Variants in HSPG2 observed in about 807,000 individuals in gnomAD.
HSPG2 encodes heparan sulfate proteoglycan 2.
Under a neutral mutation model 526.6 loss-of-function variants are expected in HSPG2, and 278 were observed. The ratio of observed to expected loss-of-function variants is 0.53; its 90% confidence interval spans 0.48 to 0.58. HSPG2 has a LOEUF of 0.58. HSPG2 is among the 20% of genes least tolerant of loss of function. The probability of loss-of-function intolerance (pLI) is 0.00; values close to 1 mark genes in which losing one functional copy is unlikely to be tolerated. For synonymous variants in HSPG2, 2,465 were observed against 2,555.4 expected (o/e 0.96, Z 1.07); for missense variants, 5,354 against 6,099.5 (o/e 0.88, Z 4.07).
intron 1 of HSPG2, among the ~76,000 whole-genome samples, chr1:21,927,063 G>A (rs1453304677): frequency 6.6e-6 from 1 of 152,158 alleles, no homozygotes; most frequent in South Asian, 2.1e-4. Flanking sequence ...GGGACCCGGA[G>A]GTGGGCTGGG....
intron 29 of HSPG2, among the ~76,000 whole-genome samples, 181 bp downstream of exon 29, chr1:21,873,744 G>A (rs1415947159): frequency 7.2e-5 from 11 of 152,168 alleles, no homozygotes; most frequent in Admixed American, 7.2e-4. Flanking sequence ...TGAGGGTCTT[G>A]AATTCTGGGC....
chr1:21,861,947 C>G (rs1639823515), intron 38 of HSPG2, 41 bp downstream of exon 38: 1 of 1,613,946 alleles, frequency 6.2e-7, no homozygotes, highest in African/African-American at 1.3e-5. Flanking sequence ...ACTCATTCCC[C>G]AGTGGAAGTG....
At chr1:21,908,225 A>C in intron 1 of HSPG2, 1 of 940,370 alleles carries the variant, frequency 1.1e-6, no homozygotes, top group Non-Finnish European at 1.7e-6. Flanking sequence ...GTAGACATCA[A>C]GGGAATGGGT....
In HSPG2 at chr1:21,833,890, C is replaced by T. The variant is rs1483098351; in HGVS notation, c.10756G>A (p.Val3586Met). The change falls in exon 78 of 97, where the codon GTG becomes ATG. Residue 3586 changes from valine (V) to methionine (M), a missense_variant. Transcript: ENST00000374695. ...PQISMPQEVR[V>M]PAGSAAVFPC... ...AAGACAGCTGCAGAACCAGCAGGCA[C>T]ACGGACTTCTTGGGGCATTGAGATC... The T allele has an allele frequency of 3.8e-6, 6 of 1,599,354 alleles. No individual in the cohort carries two copies. Among genetic ancestry groups the T allele is most frequent in the East Asian group, 4.5e-5 (2 of 44,250 alleles).
At position 21,891,100 on chromosome 1, in the gene HSPG2, G is replaced by C. The variant is rs527381073; in HGVS notation, c.245-406C>G. ...AGTTCCTACTCATTCCTCAGGACTTGGCTCAGCCATTGTCTCCTGATCTTC... is the reference window on the plus strand; with the variant it reads ...AGTTCCTACTCATTCCTCAGGACTTCGCTCAGCCATTGTCTCCTGATCTTC... On this transcript the variant is annotated intron_variant, in intron 3 of 96. Transcript: ENST00000374695. 3.3e-5 allele frequency among the ~76,000 whole-genome samples: 5 copies of C among 152,326 alleles called. No homozygotes were observed. The South Asian group carries it at 1.0e-3, about 32-fold the overall frequency.
Position 21,881,415 on chromosome 1 carries a change from T to C in HSPG2, c.1742A>G (p.Gln581Arg), listed in dbSNP as rs1211655466. The C allele has an allele frequency of 6.2e-7, 1 of 1,614,054 alleles. No individual in the cohort carries two copies. The highest frequency in any genetic ancestry group is 2.2e-5 in the East Asian group (1 of 44,882). ...GAAGCGGCGGGACAGGTCGACTAGC[T>C]GGAACTCGTGCAGGGATGGGTCGAT... ...LQIDPSLHEF[Q>R]LVDLSRRFLV... is the part of the protein sequence containing the mutation. The change falls in exon 14 of 97, where the codon CAG becomes CGG. Residue 581 changes from glutamine to arginine, a missense_variant. Coordinates refer to ENST00000374695, the MANE Select transcript of HSPG2 (RefSeq NM_005529.7).
At chr1:21,900,807 C>A (rs1345679635) in intron 1 of HSPG2, among the ~76,000 whole-genome samples, 1 of 152,090 alleles carries the variant, frequency 6.6e-6, no homozygotes, top group East Asian at 1.9e-4. Context: ...ATTGCTTGAA[C>A]CCAGGAGGCG....
chr1:21,842,878 T>C lies in HSPG2; in HGVS notation c.8802A>G (p.Ser2934=). 6.2e-7 allele frequency: 1 copy of C among 1,613,958 alleles called. No individual in the cohort carries two copies. Among genetic ancestry groups the C allele is most frequent in the Non-Finnish European group, 8.5e-7 (1 of 1,179,994 alleles). The change falls in exon 67 of 97, where the codon TCA becomes TCG. Residue 2934 remains serine (S), a synonymous_variant. Coordinates refer to ENST00000374695, the MANE Select transcript of HSPG2 (RefSeq NM_005529.7). ...AQPIYIEASS[S]HVTEGQTLDL... The stretch of plus-strand genomic sequence containing the variant: ...CCAGAGTCTGCCCTTCAGTCACGTG[T>C]GAAGAGGAGGCCTCGATGTAGATGG...
chr1:21,825,116 A>C, intron 91 of HSPG2: 1 of 377,472 alleles, frequency 2.6e-6, no homozygotes, highest in African/African-American at 2.1e-5. Context: ...TCAAAATATC[A>C]TTTACACATA....
At chr1:21,826,673 C>G (rs1422329522) in intron 91 of HSPG2, among the ~76,000 whole-genome samples, 1 of 152,004 alleles carries the variant, frequency 6.6e-6, no homozygotes, top group Admixed American at 6.6e-5. Context: ...CCACGCCCAG[C>G]TAATTTTGTA....
chr1:21,839,883 A>G lies in HSPG2; in HGVS notation c.9648T>C (p.Ala3216=). 6.2e-7 allele frequency: 1 copy of G among 1,614,070 alleles called. No homozygotes were observed. Among genetic ancestry groups the G allele is most frequent in the Non-Finnish European group, 8.5e-7 (1 of 1,180,016 alleles). ...CCTCCACAGTCAGCTCAGCTTCTTC[A>G]GCTTGGACCTGAGGGGCCCCTGGGG... ...AMAPGAPQVQ[A]EEAELTVEAG... The change falls in exon 72 of 97, where the codon GCT becomes GCC. Residue 3216 remains alanine, a synonymous_variant. Transcript: ENST00000374695. This position sits in a 1 kb window ranked among gnomAD's most constrained non-coding sequence, Gnocchi z 4.5.
chr1:21,926,820 T>C lies in HSPG2; in HGVS notation c.63+10335A>G, dbSNP rs373462908. 2.6e-4 allele frequency among the ~76,000 whole-genome samples: 36 copies of C among 140,892 alleles called. No homozygotes were observed. The East Asian group carries it at 6.3e-3, about 25-fold the overall frequency. 92.4% of individuals were successfully genotyped at this position (140,892 alleles called of 152,430 possible). Reference sequence around the variant, plus strand: ...AAGAAAATGATAGAGTAGAGGCCACTAGGGCTGGGATTTATCAGGCCAGAA... The same window carrying C: ...AAGAAAATGATAGAGTAGAGGCCACCAGGGCTGGGATTTATCAGGCCAGAA... On this transcript the variant is annotated intron_variant, in intron 1 of 96. Transcript: ENST00000374695.
At position 21,859,942 on chromosome 1, in the gene HSPG2, C is replaced by A. The variant is rs777795072; in HGVS notation, c.5075G>T (p.Gly1692Val). The A allele has an allele frequency of 7.6e-5, 123 of 1,610,422 alleles. 1 individual carries two copies. The highest frequency in any genetic ancestry group is 5.2e-4 in the Admixed American group (31 of 59,746). Residue 1692 changes from glycine to valine, a missense_variant, in exon 41 of 97, where the codon GGC becomes GTC. By Grantham distance (109) the Gly-to-Val change is moderately radical (BLOSUM62 -3). Transcript: ENST00000374695. The surrounding 1 kb of genome is among the most constrained non-coding windows in gnomAD (Gnocchi z 5.3). ...HPARSIVPQGGSHSLRCQVSG... is the reference protein window; with the variant it reads ...HPARSIVPQGVSHSLRCQVSG... ...GACCTGACACCGCAGGGAGTGGGAG[C>A]CACCTTGGGGCACTATGCTTCGAGC...
At chr1:21,855,761 G>T in intron 45 of HSPG2, 26 bp downstream of exon 45, 1 of 1,611,904 alleles carries the variant, frequency 6.2e-7, no homozygotes, top group South Asian at 1.1e-5. Flanking sequence ...GTCAGGCCTT[G>T]AATGTCATTC....
intron 33 of HSPG2, among the ~76,000 whole-genome samples, chr1:21,871,255 TTTG>T (rs1370261100): frequency 1.2e-5 from 1 of 85,008 alleles, no homozygotes; most frequent in Non-Finnish European, 2.4e-5. Context: ...TGGCAGAGTA[TTTG>T]TTTTTTTTTT....
rs763287598 is a variant in HSPG2 at position 21,859,811 on chromosome 1, T to C, written c.5182+24A>G. On this transcript the variant is annotated intron_variant, in intron 41 of 96. Transcript: ENST00000374695. The surrounding 1 kb of genome is among the most constrained non-coding windows in gnomAD (Gnocchi z 5.3). ...CTCCCACTGGGATGGCTCTTGGGGC[T>C]GAGGAGCCTAGGGCCATGGGTACCT... 6.2e-7 allele frequency: 1 copy of C among 1,609,494 alleles called. No individual in the cohort carries two copies. Among genetic ancestry groups the C allele is most frequent in the South Asian group, 1.1e-5 (1 of 89,868 alleles).
At chr1:21,835,983 C>CAA (rs71569851) in intron 75 of HSPG2, among the ~76,000 whole-genome samples, 7,946 of 75,490 alleles carry the variant, frequency 0.11, 403 homozygotes, top group Non-Finnish European at 0.12. Flanking sequence ...GATTCCATCT[C>CAA]AAAAAAAAAA....
intron 6 of HSPG2, among the ~76,000 whole-genome samples, chr1:21,889,346 G>C (rs1227079179): frequency 2.0e-5 from 3 of 152,144 alleles, no homozygotes; most frequent in African/African-American, 7.2e-5. Context: ...AGGAAATCTG[G>C]GCTGACCCAG....
Position 21,864,845 on chromosome 1 carries a change from G to C in HSPG2, c.4624C>G (p.Gln1542Glu). 1 of 1,608,832 alleles carries C rather than the reference G, an allele frequency of 6.2e-7. No homozygotes were observed. Among genetic ancestry groups the C allele is most frequent in the Non-Finnish European group, 8.5e-7 (1 of 1,178,358 alleles). The change falls in exon 36 of 97, where the codon CAG becomes GAG. Residue 1542 changes from glutamine (Q) to glutamate (E), a missense_variant and splice_region_variant. By Grantham distance (29) the Gln-to-Glu change is conservative. Coordinates refer to ENST00000374695, the MANE Select transcript of HSPG2 (RefSeq NM_005529.7). The surrounding 1 kb of genome is among the most constrained non-coding windows in gnomAD (Gnocchi z 4.8). The stretch of plus-strand genomic sequence containing the variant: ...GGTGGAGCTGGCCACACACTCACCT[G>C]GCAGGACAGACCGATGTAGCCTGGC... ...CPPGYIGLSC[Q>E]DCAPGYTRTG...
Sources: gnomAD v4.1 joint callset for allele counts (sites outside exome capture counted in the v4.1 genomes callset) on GRCh38, gnomAD v4.1.1 for gene constraint, Gnocchi (gnomAD v3.1) non-coding constraint, MANE v1.5 for transcripts, NCBI Gene and HGNC (gene_info 2026-07-23, HGNC 2026-07-21) for gene names.